The following SRD5A2 variants were observed in gnomAD, a reference collection of about 807,000 sequenced individuals.
SRD5A2 encodes the protein 3-oxo-5-alpha-steroid 4-dehydrogenase 2.
SRD5A2 carries 30 observed loss-of-function variants against 27.4 expected under a neutral mutation model. The observed-to-expected ratio is 1.10, with a 90% confidence interval of 0.82 to 1.49. The LOEUF (loss-of-function observed/expected upper bound fraction) is 1.49, where lower values mean the gene tolerates loss of function less well. Among genes scored for constraint, SRD5A2 ranks in the 40% most tolerant of loss-of-function variants. The probability of loss-of-function intolerance (pLI) is 0.00; values close to 1 mark genes in which losing one functional copy is unlikely to be tolerated. For synonymous variants in SRD5A2, 141 were observed against 133.6 expected (o/e 1.06, Z -0.38); for missense variants, 348 against 323.4 (o/e 1.08, Z -0.58).
At chr2:31,640,083 T>A in the SRD5A2 span, among the ~76,000 whole-genome samples, 4 of 152,006 alleles carry the variant, frequency 2.6e-5, no homozygotes, top group South Asian at 6.2e-4. Flanking sequence ...TAATAGCAGG[T>A]CTTTGAGTTC....
the SRD5A2 span, among the ~76,000 whole-genome samples, chr2:31,638,310 T>G: frequency 1.3e-5 from 2 of 152,142 alleles, no homozygotes; most frequent in Admixed American, 1.3e-4. Context: ...ATATGATTTC[T>G]GTTTTTAAAT....
upstream of SRD5A2, among the ~76,000 whole-genome samples, chr2:31,584,074 A>G (rs1186623357): frequency 2.0e-5 from 3 of 152,114 alleles, no homozygotes; most frequent in African/African-American, 7.2e-5. Context: ...TTAGGGCAGG[A>G]GAATAGTGGC....
the SRD5A2 span, among the ~76,000 whole-genome samples, chr2:31,654,874 A>C: frequency 6.6e-6 from 1 of 152,154 alleles, no homozygotes; most frequent in Non-Finnish European, 1.5e-5. Context: ...CTTTCTTGCT[A>C]CAGGGTAACC....
At position 31,529,459 on chromosome 2, in the gene SRD5A2, T is replaced by G. The variant is rs61750397; in HGVS notation, c.548-2A>C. The G allele has an allele frequency of 4.8e-5, 77 of 1,612,384 alleles. No individual in the cohort carries two copies. Among genetic ancestry groups the G allele is most frequent in the Non-Finnish European group, 6.3e-5 (74 of 1,179,096 alleles). On this transcript the variant is annotated splice_acceptor_variant, in intron 3 of 4. Coordinates refer to ENST00000622030, the MANE Select transcript of SRD5A2 (RefSeq NM_000348.4). LOFTEE classifies it high-confidence loss of function. ...CAGAAACATACGTAAACAAGCCACC[T>G]GCGTGCAGAAGAATCGGAAGGTCAA...
the SRD5A2 span, among the ~76,000 whole-genome samples, chr2:31,628,711 C>T: frequency 6.6e-6 from 1 of 152,098 alleles, no homozygotes; most frequent in Non-Finnish European, 1.5e-5. Flanking sequence ...TTTTATTACT[C>T]CTTTACTTAT....
the SRD5A2 span, among the ~76,000 whole-genome samples, chr2:31,601,865 T>C: frequency 7.2e-5 from 11 of 152,078 alleles, no homozygotes; most frequent in Non-Finnish European, 1.2e-4. Context: ...ACATCCTTCA[T>C]GTTAAAAACT....
intron 1 of SRD5A2, among the ~76,000 whole-genome samples, chr2:31,562,396 T>C (rs1173963700): frequency 6.6e-6 from 1 of 152,164 alleles, no homozygotes; most frequent in Non-Finnish European, 1.5e-5. Flanking sequence ...AATCCAATTA[T>C]ACTATTTTAG....
chr2:31,532,217 T>C (rs915645288), intron 2 of SRD5A2, among the ~76,000 whole-genome samples: 4 of 152,184 alleles, frequency 2.6e-5, no homozygotes, highest in Non-Finnish European at 4.4e-5. Context: ...ACTTGTTATG[T>C]AAGAACTATG....
chr2:31,601,711 C>A, the SRD5A2 span, among the ~76,000 whole-genome samples: 1 of 152,052 alleles, frequency 6.6e-6, no homozygotes. Flanking sequence ...AGCTCATCCA[C>A]CATAGTCAAG....
Position 31,531,451 on chromosome 2 carries a change from C to A in SRD5A2, c.467G>T (p.Gly156Val). ...FSLGVFLFIL[G>V]MGINIHSDYI... Reference sequence around the variant, plus strand: ...GTCACTATGAATGTTTATTCCCATTCCCAAAATAAATAAGAAGACACCTTG... The same window carrying A: ...GTCACTATGAATGTTTATTCCCATTACCAAAATAAATAAGAAGACACCTTG... Residue 156 changes from glycine (G) to valine (V), a missense_variant, in exon 3 of 5, where the codon GGA (glycine) becomes GTA (valine). Coordinates refer to ENST00000622030, the MANE Select transcript of SRD5A2 (RefSeq NM_000348.4). 6.3e-7 allele frequency: 1 copy of A among 1,595,344 alleles called. No homozygotes were observed. Among genetic ancestry groups the A allele is most frequent in the Non-Finnish European group, 8.5e-7 (1 of 1,170,802 alleles).
the SRD5A2 span, among the ~76,000 whole-genome samples, chr2:31,588,160 T>C: frequency 6.6e-6 from 1 of 152,108 alleles, no homozygotes; most frequent in Non-Finnish European, 1.5e-5. Context: ...GTTATTGGTC[T>C]AAAGAGGACA....
the SRD5A2 span, among the ~76,000 whole-genome samples, chr2:31,637,834 CTCT>C: frequency 4.1e-4 from 63 of 152,172 alleles, no homozygotes; most frequent in East Asian, 0.01. Context: ...CTTCTCTCTT[CTCT>C]TCTTAGTCTA....
the SRD5A2 span, among the ~76,000 whole-genome samples, chr2:31,628,507 G>A: frequency 3.9e-5 from 6 of 152,214 alleles, no homozygotes; most frequent in African/African-American, 1.4e-4. Flanking sequence ...ATTCGATCCT[G>A]TCATCATATT....
the SRD5A2 span, among the ~76,000 whole-genome samples, chr2:31,611,784 TA>T: frequency 6.6e-6 from 1 of 152,110 alleles, no homozygotes; most frequent in Non-Finnish European, 1.5e-5. Flanking sequence ...ACATCTACCC[TA>T]AGACCCAGAA....
At chr2:31,534,729 A>G (rs1286070125) in intron 1 of SRD5A2, among the ~76,000 whole-genome samples, 1 of 152,218 alleles carries the variant, frequency 6.6e-6, no homozygotes. Flanking sequence ...CAAGATCTGC[A>G]GATTTCACAG....
At chr2:31,604,188 A>G in the SRD5A2 span, among the ~76,000 whole-genome samples, 2 of 151,852 alleles carry the variant, frequency 1.3e-5, no homozygotes, top group African/African-American at 2.4e-5. Flanking sequence ...CTGAATGGGG[A>G]AAAACTGAAG....
chr2:31,623,307 G>A, the SRD5A2 span, among the ~76,000 whole-genome samples: 4 of 152,032 alleles, frequency 2.6e-5, no homozygotes, highest in Non-Finnish European at 4.4e-5. Flanking sequence ...TAAACAGCAA[G>A]TAAGAAGTCA....
the SRD5A2 span, among the ~76,000 whole-genome samples, chr2:31,653,610 C>T: frequency 6.6e-6 from 1 of 152,186 alleles, no homozygotes; most frequent in Admixed American, 6.5e-5. Flanking sequence ...CCTTTGTCCT[C>T]TTGCAAGGAG....
chr2:31,550,481 A>T (rs528168546), intron 1 of SRD5A2, among the ~76,000 whole-genome samples: 7 of 152,068 alleles, frequency 4.6e-5, no homozygotes, highest in African/African-American at 1.7e-4. Context: ...AGTCCCCATA[A>T]AAATTGATGC....
Sources: gnomAD v4.1 joint callset for allele counts (sites outside exome capture counted in the v4.1 genomes callset) on GRCh38, gnomAD v4.1.1 for gene constraint, MANE v1.5 for transcripts, NCBI Gene and HGNC (gene_info 2026-07-23, HGNC 2026-07-21) for gene names.